The following TTLL11 variants were observed in gnomAD, a reference collection of about 807,000 sequenced individuals.
The protein encoded by TTLL11 is tubulin tyrosine ligase like 11.
Under a neutral mutation model 51.7 loss-of-function variants are expected in TTLL11, and 42 were observed. The ratio of observed to expected loss-of-function variants is 0.81; its 90% CI spans 0.64 to 1.05. TTLL11 has a LOEUF of 1.05. TTLL11 is among the 50% of genes least tolerant of loss of function. TTLL11 has a pLI of 0.00. For synonymous variants in TTLL11, 381 were observed against 383.5 expected (o/e 0.99, Z 0.08); for missense variants, 799 against 940.4 (o/e 0.85, Z 1.97).
At position 122,092,824 on chromosome 9, in the gene TTLL11, C is replaced by T; in HGVS notation, c.325G>A (p.Gly109Ser). 2 of 1,556,256 alleles carry T rather than the reference C, an allele frequency of 1.3e-6. No homozygotes were observed. Residue 109 changes from glycine to serine, a missense_variant, in exon 1 of 9, where the codon GGC becomes AGC. Gly to Ser is a moderately conservative substitution (Grantham distance 56). Transcript: ENST00000321582. ...LCPHGKPRDK[G>S]RSCKRSSGHG... ...CCCGAGCTCCGCTTGCAGCTTCGGCCCTTGTCCCGGGGCTTCCCGTGCGGG... is the reference window on the plus strand; with the variant it reads ...CCCGAGCTCCGCTTGCAGCTTCGGCTCTTGTCCCGGGGCTTCCCGTGCGGG...
chr9:121,914,531 C>T (rs1237278495), intron 6 of TTLL11, among the ~76,000 whole-genome samples: 2 of 152,198 alleles, frequency 1.3e-5, no homozygotes, highest in African/African-American at 4.8e-5. Context: ...TTATCTATCT[C>T]AGCAGCCCCC....
intron 3 of TTLL11, among the ~76,000 whole-genome samples, chr9:122,005,609 C>T (rs1446062247): frequency 6.6e-6 from 1 of 152,190 alleles, no homozygotes; most frequent in East Asian, 1.9e-4. Context: ...GGAGACAGAC[C>T]AGGTCCATTC....
chr9:121,994,579 C>G (rs144360483), intron 3 of TTLL11, among the ~76,000 whole-genome samples: 1 of 152,128 alleles, frequency 6.6e-6, no homozygotes, highest in South Asian at 2.1e-4. Flanking sequence ...TGAACCCAGG[C>G]AGGCAGATTC....
At chr9:121,968,947 G>A (rs1842484319) in intron 6 of TTLL11, among the ~76,000 whole-genome samples, 1 of 151,792 alleles carries the variant, frequency 6.6e-6, no homozygotes, top group South Asian at 2.1e-4. Flanking sequence ...TCGGCTCACT[G>A]CAACCTCCAC....
chr9:121,928,709 G>C (rs1397456947), intron 6 of TTLL11, among the ~76,000 whole-genome samples: 1 of 151,792 alleles, frequency 6.6e-6, no homozygotes, highest in Non-Finnish European at 1.5e-5. Flanking sequence ...AAAGTGCTGG[G>C]ATTATAGGCT....
chr9:121,853,093 A>G lies in TTLL11; in HGVS notation c.1840+7244T>C, dbSNP rs1444532310. Among the ~76,000 whole-genome samples, 2 of 152,246 alleles carry G rather than the reference A, an allele frequency of 1.3e-5. No homozygotes were observed. The highest frequency in any genetic ancestry group is 2.9e-5 in the Non-Finnish European group (2 of 68,036). ...TCCAGCCGATGTGAGCAGAGGCGTC[A>G]GATGACTCGCAGTCGGTGACTGAGG... On this transcript the variant is annotated intron_variant, in intron 8 of 8. Transcript: ENST00000321582. This position sits in a 1 kb window ranked among gnomAD's most constrained non-coding sequence, Gnocchi z 5.6.
At chr9:122,023,711 G>C (rs1288318109) in intron 3 of TTLL11, among the ~76,000 whole-genome samples, 1 of 149,976 alleles carries the variant, frequency 6.7e-6, no homozygotes, top group Non-Finnish European at 1.5e-5. Context: ...CATCTCAGTA[G>C]ACACAGGGAA....
intron 2 of TTLL11, among the ~76,000 whole-genome samples, chr9:122,036,934 T>G (rs1588227569): frequency 6.6e-6 from 1 of 152,306 alleles, no homozygotes; most frequent in East Asian, 1.9e-4. Flanking sequence ...TTTCTGTTAA[T>G]AATGTGGAAA....
intron 3 of TTLL11, among the ~76,000 whole-genome samples, chr9:122,000,837 C>G (rs1413933473): frequency 6.6e-6 from 1 of 152,162 alleles, no homozygotes; most frequent in Admixed American, 6.5e-5. Context: ...TTCTTTCTTG[C>G]ACGAGATACA....
At chr9:121,839,480 C>G (rs1182747987) in intron 8 of TTLL11, among the ~76,000 whole-genome samples, 2 of 152,210 alleles carry the variant, frequency 1.3e-5, no homozygotes, top group Admixed American at 1.3e-4. Context: ...CCCTGCCCGG[C>G]TCTGGGGGGC....
chr9:121,882,454 A>G (rs1305356758), intron 6 of TTLL11, among the ~76,000 whole-genome samples: 3 of 151,904 alleles, frequency 2.0e-5, no homozygotes, highest in South Asian at 2.1e-4. Context: ...TCTTTCTCCA[A>G]TCTTGCTTGT....
chr9:121,914,625 G>A (rs1411374799), intron 6 of TTLL11, among the ~76,000 whole-genome samples: 1 of 152,140 alleles, frequency 6.6e-6, no homozygotes, highest in African/African-American at 2.4e-5. Flanking sequence ...TCTCCATGAA[G>A]AGCCTCAAGA....
At chr9:121,863,244 A>T (rs553826764) in intron 7 of TTLL11, among the ~76,000 whole-genome samples, 1 of 152,114 alleles carries the variant, frequency 6.6e-6, no homozygotes, top group African/African-American at 2.4e-5. Context: ...ACGGCTATCT[A>T]CTGGGTTCTG....
intron 1 of TTLL11, among the ~76,000 whole-genome samples, chr9:122,066,433 A>T (rs751072399): frequency 7.6e-4 from 116 of 152,182 alleles, no homozygotes; most frequent in Non-Finnish European, 1.5e-3. Flanking sequence ...CCAGGGTCAC[A>T]CAGACAGCAA....
At position 121,950,341 on chromosome 9, in the gene TTLL11, C is replaced by G. The variant is rs569986954; in HGVS notation, c.1481+23668G>C. The stretch of plus-strand genomic sequence containing the variant: ...ACAGCCCCTCTCCCTAAGTGCCCAC[C>G]ACATCCCAGGCACTGTTTAGGCACC... On this transcript the variant is annotated intron_variant, in intron 6 of 8. Transcript: ENST00000321582. Among the ~76,000 whole-genome samples the G allele has an allele frequency of 2.0e-4, 30 of 152,272 alleles. No homozygotes were observed. In the Middle Eastern group the frequency reaches 0.01, roughly 52 times the overall value.
In TTLL11 at chr9:121,819,611, G is replaced by C. The variant is rs1836512351; in HGVS notation, c.*2976C>G. Among the ~76,000 whole-genome samples the C allele has an allele frequency of 6.6e-6, 1 of 152,186 alleles. No homozygotes were observed. On this transcript the variant is annotated 3_prime_UTR_variant, in exon 9 of 9. Transcript: ENST00000321582. ...AGACAGGCGTCAGGAGGAGCGGGAA[G>C]GGGCAAGAGAGCGGGAGGGAGAAGA...
chr9:121,951,340 C>T (rs1375073701), intron 6 of TTLL11, among the ~76,000 whole-genome samples: 1 of 152,104 alleles, frequency 6.6e-6, no homozygotes, highest in African/African-American at 2.4e-5. Flanking sequence ...CATAACAAGC[C>T]ACCAGGTATT....
At chr9:122,076,501 A>C (rs965103266) in intron 1 of TTLL11, among the ~76,000 whole-genome samples, 1 of 152,150 alleles carries the variant, frequency 6.6e-6, no homozygotes, top group African/African-American at 2.4e-5. Flanking sequence ...CTCTGCTCAG[A>C]ATGTCTAACC....
At chr9:121,854,906 A>C (rs951093547) in intron 8 of TTLL11, among the ~76,000 whole-genome samples, 1 of 152,216 alleles carries the variant, frequency 6.6e-6, no homozygotes, top group Admixed American at 6.5e-5. Context: ...AAATTCTAGA[A>C]GTGAAAATTA....
Sources: gnomAD v4.1 joint callset for allele counts (sites outside exome capture counted in the v4.1 genomes callset) on GRCh38, gnomAD v4.1.1 for gene constraint, Gnocchi (gnomAD v3.1) non-coding constraint, MANE v1.5 for transcripts, NCBI Gene and HGNC (gene_info 2026-07-23, HGNC 2026-07-21) for gene names.